The following NFIB variants were observed in gnomAD, a reference collection of about 807,000 sequenced individuals.
NFIB encodes nuclear factor 1 B-type.
Under a neutral mutation model 61.5 loss-of-function variants are expected in NFIB, and 11 were observed. The observed-to-expected ratio is 0.18, with a 90% CI of 0.11 to 0.30. The LOEUF is 0.30. Ranked by LOEUF, NFIB falls within the 10% of genes least tolerant of loss-of-function variation. NFIB has a pLI of 1.00. For synonymous variants in NFIB, 260 were observed against 216.5 expected (o/e 1.20, Z -1.76); for missense variants, 471 against 608.9 (o/e 0.77, Z 2.38).
intron 2 of NFIB, among the ~76,000 whole-genome samples, chr9:14,222,047 C>T (rs1200387133): frequency 6.6e-6 from 1 of 152,166 alleles, no homozygotes; most frequent in African/African-American, 2.4e-5. Flanking sequence ...TAGAAGGTAG[C>T]AAGTTGTCCT....
At chr9:14,243,018 T>G (rs2054512588) in intron 2 of NFIB, among the ~76,000 whole-genome samples, 1 of 152,216 alleles carries the variant, frequency 6.6e-6, no homozygotes, top group African/African-American at 2.4e-5. Context: ...TATATCTATA[T>G]TAAACTGCAT....
intron 2 of NFIB, among the ~76,000 whole-genome samples, chr9:14,295,747 A>T (rs1227627839): frequency 2.0e-5 from 3 of 151,864 alleles, no homozygotes; most frequent in Non-Finnish European, 4.4e-5. Context: ...AATGGTGGCA[A>T]TTTAATTTTT....
chr9:14,338,603 T>C (rs1458737772), intron 1 of NFIB, among the ~76,000 whole-genome samples: 2 of 152,110 alleles, frequency 1.3e-5, no homozygotes, highest in African/African-American at 4.8e-5. Context: ...TTGTGGGAAG[T>C]AGATCAGCAA....
At chr9:14,186,120 G>C (rs1173944772) in intron 2 of NFIB, among the ~76,000 whole-genome samples, 7 of 152,158 alleles carry the variant, frequency 4.6e-5, no homozygotes, top group Non-Finnish European at 1.0e-4. Flanking sequence ...AATGAGTTTG[G>C]TGCAAAGAAG....
chr9:14,274,251 T>TACACAC (rs71321975), intron 2 of NFIB, among the ~76,000 whole-genome samples: 31,012 of 123,766 alleles, frequency 0.25, 4,831 homozygotes, highest in Non-Finnish European at 0.31. Context: ...TCTTCCTCCC[T>TACACAC]ACACACACAC....
At chr9:14,521,335 G>A in the NFIB span, among the ~76,000 whole-genome samples, 1 of 152,240 alleles carries the variant, frequency 6.6e-6, no homozygotes, top group East Asian at 1.9e-4. Flanking sequence ...GTGAAAACAC[G>A]GCTTGTAATG....
At chr9:14,484,857 G>A in the NFIB span, among the ~76,000 whole-genome samples, 1 of 152,182 alleles carries the variant, frequency 6.6e-6, no homozygotes, top group Non-Finnish European at 1.5e-5. Context: ...TAGACTGGGG[G>A]GCTGAAACAA....
At chr9:14,445,398 A>G in the NFIB span, among the ~76,000 whole-genome samples, 3 of 152,112 alleles carry the variant, frequency 2.0e-5, no homozygotes, top group Admixed American at 6.6e-5. Context: ...TGTTCTTACC[A>G]TTACTATCAT....
At chr9:14,450,351 T>A in the NFIB span, among the ~76,000 whole-genome samples, 3 of 152,218 alleles carry the variant, frequency 2.0e-5, no homozygotes, top group Admixed American at 1.3e-4. Flanking sequence ...AACTTTACTC[T>A]TCAAACTGCA....
chr9:14,120,734 G>T lies in NFIB; in HGVS notation c.1061-110C>A. The T allele has an allele frequency of 8.7e-7, 1 of 1,148,388 alleles. No individual in the cohort carries two copies. The highest frequency in any genetic ancestry group is 1.2e-6 in the Non-Finnish European group (1 of 830,618). The allele number at this position is 1,148,388 out of a possible 1,614,324, so 71.1% of individuals were successfully genotyped here. On this transcript the variant is annotated intron_variant, in intron 7 of 10. Coordinates refer to ENST00000380953, the MANE Select transcript of NFIB (RefSeq NM_001190737.2). This position sits in a 1 kb window ranked among gnomAD's most constrained non-coding sequence, Gnocchi z 4.4. Reference sequence around the variant, plus strand: ...ACAAAACTGGTAACCATTCATTTTTGTCCCCATGATTTAACCAAGCTCTCC... The same window carrying T: ...ACAAAACTGGTAACCATTCATTTTTTTCCCCATGATTTAACCAAGCTCTCC...
chr9:14,318,041 G>A (rs1405426331), upstream of NFIB, among the ~76,000 whole-genome samples: 1 of 152,148 alleles, frequency 6.6e-6, no homozygotes, highest in African/African-American at 2.4e-5. Context: ...CTCCCACACT[G>A]AGAGGGTTAA....
the NFIB span, among the ~76,000 whole-genome samples, chr9:14,418,072 C>T: frequency 5.9e-5 from 9 of 152,194 alleles, no homozygotes; most frequent in Admixed American, 1.3e-4. Flanking sequence ...TGAGCCACCG[C>T]GCCCAGCCAG....
chr9:14,493,353 G>A, the NFIB span, among the ~76,000 whole-genome samples: 13 of 152,188 alleles, frequency 8.5e-5, no homozygotes, highest in African/African-American at 3.1e-4. Context: ...ACTGGTAATT[G>A]AGGCAGAAGC....
At chr9:14,468,731 G>A in the NFIB span, among the ~76,000 whole-genome samples, 1 of 152,196 alleles carries the variant, frequency 6.6e-6, no homozygotes, top group African/African-American at 2.4e-5. Flanking sequence ...CACTTGTGAG[G>A]CATTTTGAAT....
intron 9 of NFIB, among the ~76,000 whole-genome samples, chr9:14,114,354 G>A (rs2037820368): frequency 6.6e-6 from 1 of 152,152 alleles, no homozygotes; most frequent in Non-Finnish European, 1.5e-5. Flanking sequence ...TTACAGAAGA[G>A]CACCAAATCT....
At chr9:14,325,779 A>G (rs887886648) in intron 1 of NFIB, among the ~76,000 whole-genome samples, 1 of 152,130 alleles carries the variant, frequency 6.6e-6, no homozygotes, top group East Asian at 1.9e-4. Flanking sequence ...AGGATGCAAT[A>G]CTAAATAAAA....
chr9:14,177,727 C>A (rs2046338231), intron 3 of NFIB, among the ~76,000 whole-genome samples: 1 of 152,004 alleles, frequency 6.6e-6, no homozygotes, highest in South Asian at 2.1e-4. Flanking sequence ...AGTTTCAGGA[C>A]ACAGTCTCAA....
chr9:14,344,746 G>A (rs2060998887), intron 1 of NFIB, among the ~76,000 whole-genome samples: 1 of 149,790 alleles, frequency 6.7e-6, no homozygotes, highest in Non-Finnish European at 1.5e-5. Context: ...AAGACTGCAG[G>A]GTAAAGAAAG....
At chr9:14,128,358 T>C (rs929686651) in intron 6 of NFIB, among the ~76,000 whole-genome samples, 1 of 152,222 alleles carries the variant, frequency 6.6e-6, no homozygotes. Flanking sequence ...AATCAGTTTC[T>C]AAAAATTCCA....
Sources: gnomAD v4.1 joint callset for allele counts (sites outside exome capture counted in the v4.1 genomes callset) on GRCh38, gnomAD v4.1.1 for gene constraint, Gnocchi (gnomAD v3.1) non-coding constraint, MANE v1.5 for transcripts, NCBI Gene and HGNC (gene_info 2026-07-23, HGNC 2026-07-21) for gene names.